ASIC2: variants seen among roughly 807,000 people sequenced by gnomAD.
ASIC2 encodes the protein acid-sensing ion channel 2.
A neutral mutation model predicts 57.3 loss-of-function variants in ASIC2; 25 were observed. The ratio of observed to expected loss-of-function variants is 0.44; its 90% CI spans 0.32 to 0.61. ASIC2 has a LOEUF of 0.61. ASIC2 is among the 20% of genes least tolerant of loss of function. The pLI, the probability that ASIC2 is intolerant of heterozygous loss-of-function variation, is 0.06. For missense variants in ASIC2, 641 were observed against 738.1 expected (o/e 0.87, Z 1.52); for synonymous variants, 319 against 307.5 (o/e 1.04, Z -0.39).
At chr17:34,129,126 T>G (rs1911878751) in intron 1 of ASIC2, among the ~76,000 whole-genome samples, 1 of 152,210 alleles carries the variant, frequency 6.6e-6, no homozygotes, top group African/African-American at 2.4e-5. Context: ...AATCTAGTTT[T>G]TAATAGCTTA....
At chr17:33,714,620 A>G (rs1909152163) in intron 1 of ASIC2, among the ~76,000 whole-genome samples, 1 of 152,184 alleles carries the variant, frequency 6.6e-6, no homozygotes, top group Admixed American at 6.5e-5. Context: ...CAGGAAGGAA[A>G]TCACCCAAGT....
chr17:33,404,347 G>A (rs903395707), intron 1 of ASIC2, among the ~76,000 whole-genome samples: 14 of 152,174 alleles, frequency 9.2e-5, no homozygotes, highest in African/African-American at 3.4e-4. Flanking sequence ...TCTCAATAAA[G>A]CCGTCCAAAA....
In ASIC2 at chr17:33,153,624, G is replaced by A. The variant is rs1316740234; in HGVS notation, c.709-41557C>T. 3.3e-4 allele frequency among the ~76,000 whole-genome samples: 50 copies of A among 152,144 alleles called. 1 individual carries two copies. Among genetic ancestry groups the A allele is most frequent in the Non-Finnish European group, 1.0e-4 (7 of 68,028 alleles). On this transcript the variant is annotated intron_variant, in intron 1 of 9. Coordinates refer to ENST00000225823, the MANE Select transcript of ASIC2 (RefSeq NM_183377.2). ...GGGTTTATGCTTTCACAATTTAAGT[G>A]ATATATGTTTCCCAGGTATGCGGCT... is the stretch of plus-strand genomic sequence containing the variant.
At chr17:33,055,498 T>C (rs1430743108) in intron 3 of ASIC2, among the ~76,000 whole-genome samples, 3 of 152,196 alleles carry the variant, frequency 2.0e-5, no homozygotes, top group African/African-American at 7.2e-5. Flanking sequence ...TCTCATGCCC[T>C]GCCTCTTCCC....
intron 1 of ASIC2, among the ~76,000 whole-genome samples, chr17:34,123,049 A>C (rs2142120825): frequency 6.6e-6 from 1 of 152,328 alleles, no homozygotes; most frequent in African/African-American, 2.4e-5. Context: ...ATTCCCAGTC[A>C]ACAGCTCTGT....
chr17:34,065,105 T>C (rs934337318), intron 1 of ASIC2, among the ~76,000 whole-genome samples: 9 of 152,126 alleles, frequency 5.9e-5, no homozygotes, highest in African/African-American at 9.7e-5. Flanking sequence ...AATTCACAAC[T>C]GCAAAATCAT....
rs1412596573 is a variant in ASIC2 at position 33,291,642 on chromosome 17, G to A, written c.474C>T (p.Leu158=). Residue 158 remains leucine (L), a synonymous_variant, in exon 1 of 10, where the codon CTC becomes CTT. Transcript: ENST00000225823. ...KGDLYYAGHW[L]GLLLPNRTAR... ...CGGTGCGGTTGGGCAGCAGCAGCCCGAGCCAGTGGCCGGCATAGTAGAGGT... is the reference window on the plus strand; with the variant it reads ...CGGTGCGGTTGGGCAGCAGCAGCCCAAGCCAGTGGCCGGCATAGTAGAGGT... 25 of 1,610,810 alleles carry A rather than the reference G, an allele frequency of 1.6e-5. 1 individual carries two copies. The East Asian group carries it at 5.1e-4, about 33-fold the overall frequency.
intron 1 of ASIC2, among the ~76,000 whole-genome samples, chr17:33,261,617 G>T (rs994715092): frequency 7.9e-5 from 12 of 152,168 alleles, no homozygotes; most frequent in Admixed American, 3.3e-4. Context: ...CAACACTGAT[G>T]GTGTCTAAGA....
chr17:33,236,084 C>A (rs191248618), intron 1 of ASIC2, among the ~76,000 whole-genome samples: 123 of 152,218 alleles, frequency 8.1e-4, no homozygotes, highest in African/African-American at 2.6e-3. Context: ...ATCTGCCTGC[C>A]TCGGCCTCCC....
intron 1 of ASIC2, among the ~76,000 whole-genome samples, chr17:33,354,850 C>T (rs1908316109): frequency 6.6e-6 from 1 of 152,104 alleles, no homozygotes; most frequent in East Asian, 1.9e-4. Context: ...TACCATTGCC[C>T]TCTCCCCTCT....
chr17:34,129,155 T>C (rs998927217), intron 1 of ASIC2, among the ~76,000 whole-genome samples: 4 of 152,190 alleles, frequency 2.6e-5, no homozygotes, highest in Admixed American at 2.6e-4. Context: ...AAATACCTAT[T>C]ACACGTCAAG....
chr17:33,675,820 C>T (rs759250753), intron 1 of ASIC2, among the ~76,000 whole-genome samples: 1 of 152,344 alleles, frequency 6.6e-6, no homozygotes, highest in Non-Finnish European at 1.5e-5. Flanking sequence ...GATCCACCCA[C>T]CTCGGCCTCC....
rs1906180355 is a variant in ASIC2 at position 33,306,505 on chromosome 17, C to A, written c.556-194438G>T. ...TATTTTGGTCATGAATTTGAAGTCTCTTTTTTATCTAGAAAGCTTGGACTT... is the reference window on the plus strand; with the variant it reads ...TATTTTGGTCATGAATTTGAAGTCTATTTTTTATCTAGAAAGCTTGGACTT... On this transcript the variant is annotated intron_variant, in intron 1 of 9. Coordinates refer to the ASIC2 transcript ENST00000359872. Among the ~76,000 whole-genome samples the A allele has an allele frequency of 2.6e-5, 4 of 152,160 alleles. No individual in the cohort carries two copies. The South Asian group carries it at 8.3e-4, about 32-fold the overall frequency.
At chr17:34,032,484 T>G (rs1221151820) in intron 1 of ASIC2, among the ~76,000 whole-genome samples, 2 of 152,230 alleles carry the variant, frequency 1.3e-5, no homozygotes, top group East Asian at 1.9e-4. Context: ...CTAACATCAT[T>G]ATGACAAGAT....
At chr17:33,544,164 CT>C (rs1386182265) in intron 1 of ASIC2, among the ~76,000 whole-genome samples, 1 of 152,150 alleles carries the variant, frequency 6.6e-6, no homozygotes, top group Non-Finnish European at 1.5e-5. Context: ...ACTTCTTTCC[CT>C]TATCAGAATG....
At chr17:33,091,256 A>T (rs574262555) in intron 2 of ASIC2, among the ~76,000 whole-genome samples, 17 of 152,310 alleles carry the variant, frequency 1.1e-4, no homozygotes, top group African/African-American at 3.8e-4. Flanking sequence ...TGTTTTCAAA[A>T]GTCTGTCCAA....
chr17:33,616,474 C>A (rs1209422271), intron 1 of ASIC2, among the ~76,000 whole-genome samples: 1 of 152,202 alleles, frequency 6.6e-6, no homozygotes, highest in African/African-American at 2.4e-5. Flanking sequence ...AATTCTGATT[C>A]TGAACTTACT....
chr17:33,243,890 C>G (rs1324536172), intron 1 of ASIC2, among the ~76,000 whole-genome samples: 1 of 152,178 alleles, frequency 6.6e-6, no homozygotes, highest in Non-Finnish European at 1.5e-5. Flanking sequence ...TTGGGAAAAG[C>G]AAGTGCTAGT....
At position 33,735,706 on chromosome 17, in the gene ASIC2, C is replaced by T. The variant is rs1239116328; in HGVS notation, c.555+420272G>A. 2.0e-5 allele frequency among the ~76,000 whole-genome samples: 3 copies of T among 152,132 alleles called. No homozygotes were observed. The East Asian group carries it at 5.8e-4, about 29-fold the overall frequency. ...CCTTTCACAAAGTCCTCAACAGCGG[C>T]TACCCACCTCCATTGAGCACTCCCT... On this transcript the variant is annotated intron_variant, in intron 1 of 9. Transcript: ENST00000359872.
Sources: gnomAD v4.1 joint callset for allele counts (sites outside exome capture counted in the v4.1 genomes callset) on GRCh38, gnomAD v4.1.1 for gene constraint, MANE v1.5 for transcripts, NCBI Gene and HGNC (gene_info 2026-07-23, HGNC 2026-07-21) for gene names.